Variants in ZNF483 observed in about 807,000 individuals in gnomAD.
ZNF483 encodes zinc finger protein HIT-10.
A neutral mutation model predicts 28.6 loss-of-function variants in ZNF483; 9 were observed. That is an observed-to-expected ratio of 0.32 (90% CI 0.19 to 0.55). ZNF483 has a LOEUF of 0.55. ZNF483 is among the 20% of genes least tolerant of loss of function. ZNF483 has a pLI of 0.93. For synonymous variants in ZNF483, 322 were observed against 306.2 expected (o/e 1.05, Z -0.54); for missense variants, 675 against 871.7 (o/e 0.77, Z 2.84).
In ZNF483 at chr9:111,543,960, A is replaced by G. The variant is rs1564598558; in HGVS notation, c.*790A>G. 1.0e-6 allele frequency: 1 copy of G among 985,280 alleles called. No individual in the cohort carries two copies. The highest frequency in any genetic ancestry group is 1.2e-6 in the Non-Finnish European group (1 of 829,940). 61.0% of individuals were successfully genotyped at this position (985,280 alleles called of 1,614,324 possible). ...TTCTAGCTTAGTGAGAATGCAGTAT[A>G]CTTTTTGAAAACTTCGTGCAGGAAT... On this transcript the variant is annotated 3_prime_UTR_variant, in exon 6 of 6. Coordinates refer to ENST00000309235, the MANE Select transcript of ZNF483 (RefSeq NM_133464.5).
At chr9:111,536,063 T>C (rs927575179) in intron 5 of ZNF483, among the ~76,000 whole-genome samples, 2 of 151,276 alleles carry the variant, frequency 1.3e-5, no homozygotes, top group South Asian at 4.2e-4. Flanking sequence ...TAATTTTTTT[T>C]GTATTTTTAT....
At position 111,541,657 on chromosome 9, in the gene ZNF483, A is replaced by G; in HGVS notation, c.722A>G (p.Asp241Gly). 6.3e-7 allele frequency: 1 copy of G among 1,587,426 alleles called. No homozygotes were observed. Among genetic ancestry groups the G allele is most frequent in the Non-Finnish European group, 8.5e-7 (1 of 1,171,300 alleles). ...ATATTCTATTTCTTATATCTTTTAGATGAATCAGCTTTAGATAAAATAATA... is the reference window on the plus strand; with the variant it reads ...ATATTCTATTTCTTATATCTTTTAGGTGAATCAGCTTTAGATAAAATAATA... ...LEEVSKSSRL[D>G]ESALDKIIER... is the part of the protein sequence containing the mutation. Residue 241 changes from aspartate (D) to glycine (G), a missense_variant and splice_region_variant, in exon 6 of 6, where the codon GAT (aspartate) becomes GGT (glycine). By Grantham distance (94) the Asp-to-Gly change is moderately conservative. Transcript: ENST00000309235.
downstream of ZNF483, chr9:111,577,875 T>C (rs1312957239): frequency 6.6e-6 from 1 of 152,150 alleles, no homozygotes; most frequent in East Asian, 1.9e-4. Context: ...AAAGCACTGA[T>C]AAATTCTATG....
chr9:111,559,070 T>G (rs1234816884), downstream of ZNF483, among the ~76,000 whole-genome samples: 1 of 152,128 alleles, frequency 6.6e-6, no homozygotes, highest in Non-Finnish European at 1.5e-5. Context: ...TGTCTGCTCA[T>G]GCTGGGCCAT....
intron 3 of ZNF483, among the ~76,000 whole-genome samples, chr9:111,531,190 CT>C (rs1827337012): frequency 6.6e-6 from 1 of 151,894 alleles, no homozygotes; most frequent in Non-Finnish European, 1.5e-5. Flanking sequence ...GAGCAAGACC[CT>C]GTCTCTAAAA....
intron 2 of ZNF483, 59 bp from the exon 3 acceptor site, chr9:111,530,788 TATATATATATATACATATATATATATAA>T (rs1299528299): frequency 2.8e-4 from 23 of 82,076 alleles, no homozygotes; most frequent in South Asian, 3.8e-4. Context: ...TATATATATA[TATATATATATATACATATATATATATAA>T]GATTTTTAGT....
intron 1 of ZNF483, among the ~76,000 whole-genome samples, chr9:111,526,016 G>T (rs1827177731): frequency 6.6e-6 from 1 of 152,096 alleles, no homozygotes; most frequent in South Asian, 2.1e-4. Context: ...GCCTGGCCCC[G>T]CAGCTCATGG....
downstream of ZNF483, among the ~76,000 whole-genome samples, chr9:111,560,174 A>G (rs760536789): frequency 5.9e-5 from 9 of 151,272 alleles, no homozygotes; most frequent in Non-Finnish European, 1.0e-4. Context: ...GGCAATACCC[A>G]TCACTACTAA....
rs1827881051 is a variant in ZNF483 at position 111,549,634 on chromosome 9, G to A, written c.*6464G>A. ...CTACCTGTAGCTCTTCTGGGGCAGC[G>A]GTCGTGGTGGTGGTGGCAGCGGCAG... On this transcript the variant is annotated 3_prime_UTR_variant, in exon 6 of 6. Transcript: ENST00000309235. 7.1e-6 allele frequency: 8 copies of A among 1,124,640 alleles called. No individual in the cohort carries two copies. The highest frequency in any genetic ancestry group is 5.2e-5 in the East Asian group (2 of 38,096). 69.7% of individuals were successfully genotyped at this position (1,124,640 alleles called of 1,614,324 possible).
At chr9:111,530,644 GC>G (rs2132221110) in intron 2 of ZNF483, among the ~76,000 whole-genome samples, 1 of 150,078 alleles carries the variant, frequency 6.7e-6, no homozygotes, top group African/African-American at 2.5e-5. Context: ...ACACAGAACT[GC>G]CTGCTGGGTG....
At chr9:111,560,367 G>A (rs1169777331), downstream of ZNF483, among the ~76,000 whole-genome samples, 12 of 151,558 alleles carry the variant, frequency 7.9e-5, no homozygotes, top group African/African-American at 2.9e-4. Context: ...CCAGCTACTC[G>A]GGAGGCTGAG....
In ZNF483 at chr9:111,527,542, G is replaced by A. The variant is rs1212373720; in HGVS notation, c.147G>A (p.Glu49=). The change falls in exon 2 of 6, where the codon GAG becomes GAA. Residue 49 remains glutamate, a synonymous_variant. Transcript: ENST00000309235. ...TAAGAGGAAATGCTGCTGATGCAGA[G>A]TCTTTCAGACAGAGGTTTAGGTGGT... The part of the protein sequence containing the change: ...AILRGNAADA[E]SFRQRFRWFC... 6.2e-7 allele frequency: 1 copy of A among 1,614,256 alleles called. No individual in the cohort carries two copies. The highest frequency in any genetic ancestry group is 8.5e-7 in the Non-Finnish European group (1 of 1,180,056).
chr9:111,576,512 C>G, exon 6 of ZNF483: 6 of 1,523,508 alleles, frequency 3.9e-6, no homozygotes, highest in Non-Finnish European at 4.5e-6. Flanking sequence ...CGGGGAAGAG[C>G]TGGATGGAGT....
At chr9:111,535,915 G>T (rs541316688) in intron 5 of ZNF483, among the ~76,000 whole-genome samples, 5,789 of 96,396 alleles carry the variant, frequency 0.06, 170 homozygotes, top group Non-Finnish European at 0.092. Context: ...TTTTTTTTTT[G>T]AGACAGAGTT....
At position 111,533,816 on chromosome 9, in the gene ZNF483, G is replaced by C; in HGVS notation, c.579G>C (p.Glu193Asp). 6.3e-7 allele frequency: 1 copy of C among 1,593,356 alleles called. No individual in the cohort carries two copies. Among genetic ancestry groups the C allele is most frequent in the South Asian group, 1.2e-5 (1 of 86,464 alleles). ...EWKKLEPFQKELYKEVLLENL... is the reference protein window; with the variant it reads ...EWKKLEPFQKDLYKEVLLENL... Reference sequence around the variant, plus strand: ...AGAAGCTGGAGCCTTTTCAAAAGGAGCTATATAAGGAAGTGCTACTGGAAA... The same window carrying C: ...AGAAGCTGGAGCCTTTTCAAAAGGACCTATATAAGGAAGTGCTACTGGAAA... Residue 193 changes from glutamate to aspartate, a missense_variant, in exon 4 of 6, where the codon GAG becomes GAC. By Grantham distance (45) the Glu-to-Asp change is conservative. This residue lies in a region of ZNF483 where 525 missense variants were observed against 581.8 expected (regional missense o/e 0.90). Coordinates refer to ENST00000309235, the MANE Select transcript of ZNF483 (RefSeq NM_133464.5).
intron 5 of ZNF483, chr9:111,563,326 T>C: frequency 8.0e-7 from 1 of 1,243,058 alleles, no homozygotes; most frequent in Non-Finnish European, 1.1e-6. Flanking sequence ...GGTACATCAT[T>C]GGAAACCTTG....
chr9:111,530,107 A>G (rs1389931808), intron 2 of ZNF483, among the ~76,000 whole-genome samples: 3 of 152,148 alleles, frequency 2.0e-5, no homozygotes, highest in Admixed American at 1.3e-4. Flanking sequence ...AGAGGGTTGG[A>G]ACTCAGCTCC....
rs1424148606 is a variant in ZNF483, at chr9:111,551,565, G to A, written c.*8395G>A. ...TGAGATTACTGGTGCACACTGCCACGCCTGGCTAATTATTTTAGTAGAGGC... is the reference window on the plus strand; with the variant it reads ...TGAGATTACTGGTGCACACTGCCACACCTGGCTAATTATTTTAGTAGAGGC... On this transcript the variant is annotated 3_prime_UTR_variant, in exon 6 of 6. Transcript: ENST00000309235. Among the ~76,000 whole-genome samples the A allele has an allele frequency of 1.3e-5, 2 of 151,658 alleles. No individual in the cohort carries two copies. The highest frequency in any genetic ancestry group is 2.1e-4 in the South Asian group (1 of 4,810).
chr9:111,528,825 C>A (rs931163525), intron 2 of ZNF483, among the ~76,000 whole-genome samples: 1 of 152,244 alleles, frequency 6.6e-6, no homozygotes, highest in Admixed American at 6.5e-5. Context: ...AAAATTAGGG[C>A]CTCTTTGTGG....
Sources: gnomAD v4.1 joint callset for allele counts (sites outside exome capture counted in the v4.1 genomes callset) on GRCh38, gnomAD v4.1.1 for gene constraint, gnomAD v4.1.1 regional missense constraint, MANE v1.5 for transcripts, NCBI Gene and HGNC (gene_info 2026-07-23, HGNC 2026-07-21) for gene names.